The following PABPC1L variants were observed in gnomAD, a reference collection of about 807,000 sequenced individuals.
PABPC1L encodes poly(A) binding protein cytoplasmic 1 like, also known as polyadenylate-binding protein 1-like.
PABPC1L carries 31 observed loss-of-function variants against 66.6 expected under a neutral mutation model. The observed-to-expected ratio is 0.47, with a 90% CI of 0.35 to 0.63. The LOEUF is 0.63. PABPC1L is among the 20% of genes least tolerant of loss of function. PABPC1L has a pLI of 0.00. For missense variants in PABPC1L, 722 were observed against 848.8 expected (o/e 0.85, Z 1.86); for synonymous variants, 348 against 335.1 (o/e 1.04, Z -0.42).
chr20:44,923,965 A>G (rs1365017434), intron 6 of PABPC1L, among the ~76,000 whole-genome samples, 196 bp from the exon 7 acceptor site: 3 of 152,010 alleles, frequency 2.0e-5, no homozygotes, highest in Non-Finnish European at 4.4e-5. Context: ...GGAATTTGGG[A>G]TGTGGGGGCT....
In PABPC1L at chr20:44,910,617, T is replaced by TAG. The variant is rs148212419; in HGVS notation, c.193+283_193+284dup. ...GGGTGGGGGTCAGGCGGACCAGGGA[T>TAG]AGAAGCCCAGCAGCCGTGTGACTCT... is the stretch of plus-strand genomic sequence containing the variant. On this transcript the variant is annotated intron_variant, in intron 1 of 14. Transcript: ENST00000217073. Among the ~76,000 whole-genome samples, 377 of 152,178 alleles carry TAG rather than the reference T, an allele frequency of 2.5e-3. 1 individual carries two copies. Among genetic ancestry groups the TAG allele is most frequent in the Middle Eastern group, 6.8e-3 (2 of 294 alleles).
At chr20:44,916,536 A>C (rs2066738821) in intron 2 of PABPC1L, among the ~76,000 whole-genome samples, 1 of 152,158 alleles carries the variant, frequency 6.6e-6, no homozygotes, top group East Asian at 1.9e-4. Context: ...GGCCTCCCAA[A>C]GTGCTGGGAT....
At chr20:44,911,989 G>A (rs2066708669) in intron 1 of PABPC1L, among the ~76,000 whole-genome samples, 1 of 152,172 alleles carries the variant, frequency 6.6e-6, no homozygotes, top group African/African-American at 2.4e-5. Flanking sequence ...ATCGGCTGCT[G>A]TTTTGAGACA....
chr20:44,933,971 C>T (rs532345544), intron 10 of PABPC1L, among the ~76,000 whole-genome samples: 2 of 150,984 alleles, frequency 1.3e-5, no homozygotes, highest in African/African-American at 4.9e-5. Flanking sequence ...AGGCTGGTCT[C>T]GAACTCCTGA....
At chr20:44,913,413 GT>G (rs1201946342) in intron 2 of PABPC1L, among the ~76,000 whole-genome samples, 92 of 145,604 alleles carry the variant, frequency 6.3e-4, no homozygotes, top group Middle Eastern at 3.6e-3. Context: ...CTTCCACTAC[GT>G]TTTTTTTTTT....
rs1170700553 is a variant in PABPC1L, at chr20:44,930,602, A to T, written c.1115A>T (p.Glu372Val). The change falls in exon 8 of 15, where the codon GAG becomes GTG. Residue 372 changes from glutamate to valine, a missense_variant. Glu to Val is a moderately radical substitution (Grantham distance 121). This residue lies in a region of PABPC1L where 301 missense variants were observed against 337.2 expected (regional missense o/e 0.89). Coordinates refer to ENST00000217073, the MANE Select transcript of PABPC1L (RefSeq NM_001372179.1). ...PLYVALAQRKEERKAILTNQY... is the reference protein window; with the variant it reads ...PLYVALAQRKVERKAILTNQY... Reference sequence around the variant, plus strand: ...TACGTGGCACTGGCCCAGCGCAAAGAGGAGCGGAAGGCCATCTTGACCAAC... The same window carrying T: ...TACGTGGCACTGGCCCAGCGCAAAGTGGAGCGGAAGGCCATCTTGACCAAC... 6.2e-7 allele frequency: 1 copy of T among 1,614,132 alleles called. No homozygotes were observed. Among genetic ancestry groups the T allele is most frequent in the Non-Finnish European group, 8.5e-7 (1 of 1,180,052 alleles).
intron 1 of PABPC1L, among the ~76,000 whole-genome samples, chr20:44,911,710 T>C (rs2066706556): frequency 6.6e-6 from 1 of 152,158 alleles, no homozygotes. Flanking sequence ...TTCTGTTTGT[T>C]CTGCTTTGCT....
rs748354804 is a variant in PABPC1L at position 44,930,628 on chromosome 20, C to A, written c.1141C>A (p.Gln381Lys). Residue 381 changes from glutamine (Q) to lysine (K), a missense_variant, in exon 8 of 15, where the codon CAG becomes AAG. Gln to Lys is a moderately conservative substitution (Grantham distance 53). Around this residue, in one of 3 missense-constraint regions of PABPC1L, gnomAD observed 301 missense variants for 337.2 expected, o/e 0.89. Coordinates refer to ENST00000217073, the MANE Select transcript of PABPC1L (RefSeq NM_001372179.1). ...KEERKAILTN[Q>K]YMQRLSTMRT... ...GGAGCGGAAGGCCATCTTGACCAAC[C>A]AGTACATGCAGCGCCTCTCCACCAT... 3 of 1,614,106 alleles carry A rather than the reference C, an allele frequency of 1.9e-6. No individual in the cohort carries two copies. Among genetic ancestry groups the A allele is most frequent in the Non-Finnish European group, 2.5e-6 (3 of 1,180,052 alleles).
chr20:44,928,886 GA>G lies in PABPC1L; in HGVS notation c.973-1563del, dbSNP rs1181197441. 3.5e-3 allele frequency among the ~76,000 whole-genome samples: 314 copies of G among 88,742 alleles called. 1 individual carries two copies. Among genetic ancestry groups the G allele is most frequent in the Non-Finnish European group, 3.9e-3 (167 of 43,338 alleles). 58.2% of individuals were successfully genotyped at this position (88,742 alleles called of 152,430 possible). A position where few individuals can be genotyped will look rare whatever the true frequency, so the allele number is the denominator to read the frequency against. ...ACTCAAAAAAAAAAAAAAAAAAAAA[GA>G]AAAAAAAAAAGGAAAAAAAGAAGAT... On this transcript the variant is annotated intron_variant, in intron 7 of 14. Transcript: ENST00000217073.
intron 10 of PABPC1L, among the ~76,000 whole-genome samples, chr20:44,934,175 T>G (rs1159759403): frequency 1.3e-5 from 2 of 152,236 alleles, no homozygotes; most frequent in Non-Finnish European, 2.9e-5. Context: ...ACATCTGTTC[T>G]TTCATTCTGC....
chr20:44,912,757 T>A lies in PABPC1L; in HGVS notation c.291T>A (p.Gly97=). The A allele has an allele frequency of 6.2e-7, 1 of 1,614,028 alleles. No individual in the cohort carries two copies. Among genetic ancestry groups the A allele is most frequent in the Non-Finnish European group, 8.5e-7 (1 of 1,179,980 alleles). ...SQRDPGLRKS[G]VGNIFIKNLE... ...GAGACCCAGGACTTCGCAAGTCAGGTGTGGGCAACATCTTCATCAAGAACC... is the reference window on the plus strand; with the variant it reads ...GAGACCCAGGACTTCGCAAGTCAGGAGTGGGCAACATCTTCATCAAGAACC... Residue 97 remains glycine (G), a synonymous_variant, in exon 2 of 15, where the codon GGT becomes GGA. Coordinates refer to ENST00000217073, the MANE Select transcript of PABPC1L (RefSeq NM_001372179.1).
chr20:44,912,949 G>A, intron 2 of PABPC1L, 96 bp downstream of exon 2: 1 of 1,191,412 alleles, frequency 8.4e-7, no homozygotes. Flanking sequence ...CAGTTTACAA[G>A]GTCCTTTCAG....
chr20:44,910,104 C>G lies in PABPC1L; in HGVS notation c.-40C>G, dbSNP rs552732118. ...GTGAGCGCGGGGCTGCTGGGTGACC[C>G]GGCTCCTGCTTGCCCCGCAGCCCCG... On this transcript the variant is annotated 5_prime_UTR_variant, in exon 1 of 15. Transcript: ENST00000217073. 2.7e-6 allele frequency: 4 copies of G among 1,505,352 alleles called. No homozygotes were observed. The highest frequency in any genetic ancestry group is 3.6e-6 in the Non-Finnish European group (4 of 1,117,084). The allele number at this position is 1,505,352 out of a possible 1,614,324, so 93.2% of individuals were successfully genotyped here. A position where few individuals can be genotyped will look rare whatever the true frequency, so the allele number is the denominator to read the frequency against.
rs780894791 is a variant in PABPC1L, at chr20:44,930,711, G to A, written c.1224G>A (p.Leu408=). The A allele has an allele frequency of 4.3e-6, 7 of 1,613,156 alleles. No individual in the cohort carries two copies. Among genetic ancestry groups the A allele is most frequent in the Non-Finnish European group, 8.5e-7 (1 of 1,179,820 alleles). ...GSFQQPSSYF[L]PAMPQPPAQA... ...TTCAGCAGCCCTCCAGCTACTTCCT[G>A]CCTGCCATGCCCCAGGTGACGGCCT... Residue 408 remains leucine (L), a synonymous_variant, in exon 8 of 15, where the codon CTG becomes CTA. Transcript: ENST00000217073.
chr20:44,924,295 T>C (rs1444706631), intron 7 of PABPC1L, 39 bp downstream of exon 7: 5 of 1,437,916 alleles, frequency 3.5e-6, no homozygotes, highest in Non-Finnish European at 4.9e-6. Context: ...AGCGTTCCCC[T>C]CCATCCTCTC....
intron 1 of PABPC1L, among the ~76,000 whole-genome samples, chr20:44,911,772 C>T (rs1284287910): frequency 6.6e-6 from 1 of 152,190 alleles, no homozygotes; most frequent in Non-Finnish European, 1.5e-5. Flanking sequence ...TGAAGTGGGA[C>T]TCGGCCTGGA....
chr20:44,938,078 C>A lies in PABPC1L; in HGVS notation c.1678C>A (p.Leu560Ile). 6.2e-7 allele frequency: 1 copy of A among 1,614,186 alleles called. No homozygotes were observed. ...CCACACAGGGGAGCGTCTCTACCCC[C>A]TTATCCATGATGTCCACACCCAGCT... is the stretch of plus-strand genomic sequence containing the variant. ...KQMIGERLYP[L>I]IHDVHTQLAG... The change falls in exon 13 of 15, where the codon CTT becomes ATT. Residue 560 changes from leucine to isoleucine, a missense_variant. Transcript: ENST00000217073.
At chr20:44,910,781 G>A (rs1047317930) in intron 1 of PABPC1L, among the ~76,000 whole-genome samples, 1 of 152,216 alleles carries the variant, frequency 6.6e-6, no homozygotes, top group African/African-American at 2.4e-5. Flanking sequence ...CAGCTGGTGA[G>A]CAGGGGAGGC....
chr20:44,924,769 C>T (rs976208717), intron 7 of PABPC1L, among the ~76,000 whole-genome samples: 5 of 152,296 alleles, frequency 3.3e-5, no homozygotes, highest in African/African-American at 1.2e-4. Flanking sequence ...CAGATGTTGT[C>T]TTATAGATAA....
Sources: gnomAD v4.1 joint callset for allele counts (sites outside exome capture counted in the v4.1 genomes callset) on GRCh38, gnomAD v4.1.1 for gene constraint, gnomAD v4.1.1 regional missense constraint, MANE v1.5 for transcripts, NCBI Gene and HGNC (gene_info 2026-07-23, HGNC 2026-07-21) for gene names.